Variants in GRID2 observed in about 807,000 individuals in gnomAD.
The protein encoded by GRID2 is glutamate ionotropic receptor delta type subunit 2.
A neutral mutation model predicts 114.8 loss-of-function variants in GRID2; 33 were observed. The observed-to-expected ratio is 0.29, with a 90% CI of 0.22 to 0.38. The LOEUF (loss-of-function observed/expected upper bound fraction) is 0.38, where lower values mean the gene tolerates loss of function less well. Among genes scored for constraint, GRID2 ranks in the 10% least tolerant of loss-of-function variants. The pLI is 1.00. For missense variants in GRID2, 1,184 were observed against 1,257.7 expected (o/e 0.94, Z 0.89); for synonymous variants, 505 against 449.9 (o/e 1.12, Z -1.55).
chr4:93,772,278 A>G lies in GRID2; in HGVS notation c.2804A>G (p.Glu935Gly), dbSNP rs1437524098. The change falls in exon 16 of 16, where the codon GAG becomes GGG. Residue 935 changes from glutamate to glycine, a missense_variant. Coordinates refer to ENST00000282020, the MANE Select transcript of GRID2 (RefSeq NM_001510.4). ...THITTTTFIP[E>G]QIQTLSRTLS... Reference sequence around the variant, plus strand: ...ATTACCACAACAACCTTTATCCCAGAGCAGATCCAGACTCTTAGCCGCACA... The same window carrying G: ...ATTACCACAACAACCTTTATCCCAGGGCAGATCCAGACTCTTAGCCGCACA... The G allele has an allele frequency of 6.2e-7, 1 of 1,614,120 alleles. No individual in the cohort carries two copies. The highest frequency in any genetic ancestry group is 1.7e-5 in the Admixed American group (1 of 60,012).
At chr4:92,383,071 G>A (rs1209973405) in intron 1 of GRID2, among the ~76,000 whole-genome samples, 1 of 151,764 alleles carries the variant, frequency 6.6e-6, no homozygotes, top group Non-Finnish European at 1.5e-5. Flanking sequence ...AGAGAGAGAG[G>A]AGTTATCACA....
chr4:93,588,418 A>T (rs959468787), intron 13 of GRID2, among the ~76,000 whole-genome samples: 3 of 152,172 alleles, frequency 2.0e-5, no homozygotes, highest in Admixed American at 1.3e-4. Context: ...GTTCAGAGTT[A>T]TAGATAACCT....
intron 8 of GRID2, among the ~76,000 whole-genome samples, chr4:93,256,501 A>C (rs1400069855): frequency 6.6e-6 from 1 of 151,870 alleles, no homozygotes; most frequent in Non-Finnish European, 1.5e-5. Context: ...TTTTCCAAGA[A>C]GCCATTTGGG....
chr4:93,491,472 A>G (rs1727004718), intron 12 of GRID2, among the ~76,000 whole-genome samples: 2 of 151,846 alleles, frequency 1.3e-5, no homozygotes, highest in Admixed American at 1.3e-4. Flanking sequence ...CCTTTTATCC[A>G]CCACAGCCAG....
intron 7 of GRID2, among the ~76,000 whole-genome samples, chr4:93,230,032 C>T (rs1745934646): frequency 1.3e-5 from 2 of 152,042 alleles, no homozygotes; most frequent in Non-Finnish European, 2.9e-5. Flanking sequence ...CCATCTATAA[C>T]ATGGCATCTA....
intron 2 of GRID2, among the ~76,000 whole-genome samples, chr4:92,772,851 C>G (rs1738607834): frequency 6.6e-6 from 1 of 152,152 alleles, no homozygotes. Context: ...TTTACTTATG[C>G]ATACACATCA....
chr4:93,297,607 T>A (rs1754451810), intron 8 of GRID2, among the ~76,000 whole-genome samples: 1 of 152,158 alleles, frequency 6.6e-6, no homozygotes, highest in African/African-American at 2.4e-5. Flanking sequence ...AATTATTTTA[T>A]CTATCTACTC....
chr4:93,079,577 T>A (rs1227777504), intron 2 of GRID2, among the ~76,000 whole-genome samples: 1 of 152,012 alleles, frequency 6.6e-6, no homozygotes, highest in Non-Finnish European at 1.5e-5. Context: ...ACTCTGCCAT[T>A]TACTAGTGTT....
At chr4:93,582,179 C>G (rs78291591) in intron 13 of GRID2, among the ~76,000 whole-genome samples, 3 of 152,006 alleles carry the variant, frequency 2.0e-5, no homozygotes, top group African/African-American at 7.3e-5. Flanking sequence ...GAGCCCATTC[C>G]CTTGTCTTTT....
chr4:92,695,872 T>C (rs182283287), intron 2 of GRID2, among the ~76,000 whole-genome samples: 2 of 152,294 alleles, frequency 1.3e-5, no homozygotes, highest in East Asian at 1.9e-4. Context: ...AATCATACCC[T>C]GTAAGTTTGA....
chr4:93,101,082 G>A (rs1048004243), intron 3 of GRID2, among the ~76,000 whole-genome samples: 2 of 152,088 alleles, frequency 1.3e-5, no homozygotes, highest in Middle Eastern at 3.4e-3. Context: ...CTCTCACAGT[G>A]CTTGGCACAT....
chr4:92,662,113 A>G (rs993633434), intron 2 of GRID2, among the ~76,000 whole-genome samples: 5 of 151,062 alleles, frequency 3.3e-5, no homozygotes, highest in Admixed American at 2.0e-4. Flanking sequence ...TCTCATCCTC[A>G]CACAGGTTTC....
intron 4 of GRID2, among the ~76,000 whole-genome samples, chr4:93,113,549 C>T (rs887016913): frequency 2.0e-5 from 3 of 152,170 alleles, no homozygotes; most frequent in South Asian, 2.1e-4. Context: ...TCCAGTTCAT[C>T]GTAGAAACTA....
intron 14 of GRID2, among the ~76,000 whole-genome samples, chr4:93,647,726 A>G (rs1722237532): frequency 6.6e-6 from 1 of 152,188 alleles, no homozygotes; most frequent in Admixed American, 6.5e-5. Flanking sequence ...ATGGGATGGA[A>G]GAAATGTTGG....
chr4:93,479,615 G>A (rs532604258), intron 11 of GRID2, among the ~76,000 whole-genome samples: 1 of 152,216 alleles, frequency 6.6e-6, no homozygotes, highest in South Asian at 2.1e-4. Flanking sequence ...ATAAGTCCTG[G>A]AGTCCCTAGG....
chr4:92,426,104 G>A (rs1005857304), intron 1 of GRID2, among the ~76,000 whole-genome samples: 1 of 152,006 alleles, frequency 6.6e-6, no homozygotes, highest in Non-Finnish European at 1.5e-5. Context: ...CACAGTTCAG[G>A]CTTTCTATGG....
intron 2 of GRID2, among the ~76,000 whole-genome samples, chr4:92,649,500 C>A (rs1731820471): frequency 1.3e-5 from 2 of 151,620 alleles, no homozygotes; most frequent in Non-Finnish European, 2.9e-5. Flanking sequence ...ACCCCATCTA[C>A]TGATTCCTAT....
rs563089705 is a variant in GRID2 at position 92,939,847 on chromosome 4, G to C, written c.245-145148G>C. 3.1e-4 allele frequency among the ~76,000 whole-genome samples: 46 copies of C among 146,806 alleles called. 5 individuals are homozygous for C. The highest frequency in any genetic ancestry group is 6.6e-4 in the Admixed American group (9 of 13,624). On this transcript the variant is annotated intron_variant, in intron 2 of 15. Transcript: ENST00000282020. The stretch of plus-strand genomic sequence containing the variant: ...AATCCTTTCCTCATTTCTTGTTTTT[G>C]TCAGGTTTGTCAAAGATCAGATAGT...
At chr4:93,053,989 T>G (rs1455169819) in intron 2 of GRID2, among the ~76,000 whole-genome samples, 1 of 152,028 alleles carries the variant, frequency 6.6e-6, no homozygotes, top group Non-Finnish European at 1.5e-5. Context: ...TTCCACAATT[T>G]CATCCTGCAG....
Sources: allele counts gnomAD v4.1 joint callset (sites outside exome capture counted in the v4.1 genomes callset), GRCh38; gene constraint gnomAD v4.1.1; transcripts MANE v1.5; gene names NCBI Gene and HGNC (gene_info 2026-07-23, HGNC 2026-07-21).